LRRTM4: variants seen among roughly 807,000 people sequenced by gnomAD.
The protein encoded by LRRTM4 is leucine-rich repeat transmembrane neuronal protein 4.
A neutral mutation model predicts 47.6 loss-of-function variants in LRRTM4; 25 were observed. The ratio of observed to expected loss-of-function variants is 0.53; its 90% CI spans 0.38 to 0.73. The LOEUF is 0.73. Among genes scored for constraint, LRRTM4 ranks in the 30% least tolerant of loss-of-function variants. LRRTM4 has a pLI of 0.00. For missense variants in LRRTM4, 638 were observed against 713.4 expected, an observed-to-expected ratio of 0.89 and a Z score of 1.20; for synonymous variants, 311 against 269.5, an observed-to-expected ratio of 1.15 and a Z score of -1.51.
At chr2:76,997,491 G>A (rs1017794892) in intron 3 of LRRTM4, among the ~76,000 whole-genome samples, 1 of 152,100 alleles carries the variant, frequency 6.6e-6, no homozygotes, top group Non-Finnish European at 1.5e-5. Flanking sequence ...CTAAAATGGT[G>A]TGACAAAATT....
At chr2:77,503,234 G>GT (rs368180534) in intron 3 of LRRTM4, among the ~76,000 whole-genome samples, 150 of 151,708 alleles carry the variant, frequency 9.9e-4, no homozygotes, top group African/African-American at 3.4e-3. Flanking sequence ...GACAAAAATT[G>GT]TCACTAGTAA....
chr2:76,890,779 A>G lies in LRRTM4; in HGVS notation c.1552-141863T>C, dbSNP rs187847226. Among the ~76,000 whole-genome samples, 11 of 152,160 alleles carry G rather than the reference A, an allele frequency of 7.2e-5. No homozygotes were observed. In the East Asian group the frequency reaches 1.5e-3, roughly 21 times the overall value. ...ATAATAGGTGGAAAGAGAATGCTAC[A>G]AAGTTTAATTCATACAGAACTAAAA... is the stretch of plus-strand genomic sequence containing the variant. On this transcript the variant is annotated intron_variant, in intron 3 of 3. Transcript: ENST00000409884.
chr2:77,495,432 C>T (rs996070424), intron 3 of LRRTM4, among the ~76,000 whole-genome samples: 67 of 151,996 alleles, frequency 4.4e-4, no homozygotes, highest in Admixed American at 3.5e-3. Flanking sequence ...TGTTTTATGC[C>T]GCAAACTTCT....
intron 3 of LRRTM4, among the ~76,000 whole-genome samples, chr2:77,393,701 C>T (rs967308614): frequency 6.6e-6 from 1 of 151,850 alleles, no homozygotes; most frequent in African/African-American, 2.4e-5. Context: ...CATGTAAAAC[C>T]AGAGGCAGTT....
At chr2:77,081,773 G>C (rs1034849404) in intron 3 of LRRTM4, among the ~76,000 whole-genome samples, 11 of 152,092 alleles carry the variant, frequency 7.2e-5, no homozygotes, top group Admixed American at 3.9e-4. Context: ...CTGAAAAACT[G>C]TTTAACTTTC....
intron 3 of LRRTM4, among the ~76,000 whole-genome samples, chr2:77,195,557 CA>C (rs1440961848): frequency 6.6e-6 from 1 of 151,782 alleles, no homozygotes; most frequent in Non-Finnish European, 1.5e-5. Flanking sequence ...TATCTGTATG[CA>C]AGTAAAGTTG....
At chr2:76,913,543 A>ATTTTTTTTGTTTTTT (rs1674142871) in intron 3 of LRRTM4, among the ~76,000 whole-genome samples, 1 of 121,488 alleles carries the variant, frequency 8.2e-6, no homozygotes, top group Non-Finnish European at 1.6e-5. Flanking sequence ...TCCTATTTCA[A>ATTTTTTTTGTTTTTT]TTTTTTTTTT....
At chr2:76,775,344 T>C (rs1673919719) in intron 3 of LRRTM4, among the ~76,000 whole-genome samples, 1 of 152,156 alleles carries the variant, frequency 6.6e-6, no homozygotes, top group African/African-American at 2.4e-5. Context: ...TGAAAGGTCC[T>C]TATGATCCCC....
intron 3 of LRRTM4, among the ~76,000 whole-genome samples, chr2:76,854,389 G>A (rs373335361): frequency 7.4e-4 from 112 of 151,998 alleles, no homozygotes; most frequent in Admixed American, 9.2e-4. Context: ...ATAGAGTCAT[G>A]ATACCCACTG....
intron 3 of LRRTM4, among the ~76,000 whole-genome samples, chr2:76,799,554 C>G (rs1313377040): frequency 7.5e-6 from 1 of 132,658 alleles, no homozygotes; most frequent in South Asian, 2.4e-4. Flanking sequence ...GACAGGGATG[C>G]CCTCTCTCAC....
At chr2:77,444,975 C>T (rs1456743528) in intron 3 of LRRTM4, among the ~76,000 whole-genome samples, 18 of 97,676 alleles carry the variant, frequency 1.8e-4, no homozygotes, top group African/African-American at 3.7e-4. Flanking sequence ...ACACACGATC[C>T]GGAAAAAAAA....
chr2:77,442,142 G>C (rs1291909506), intron 3 of LRRTM4, among the ~76,000 whole-genome samples: 1 of 152,140 alleles, frequency 6.6e-6, no homozygotes, highest in Non-Finnish European at 1.5e-5. Flanking sequence ...ATCTAGTACA[G>C]AAGAACAGGA....
At chr2:76,825,606 G>A (rs979839372) in intron 3 of LRRTM4, among the ~76,000 whole-genome samples, 1 of 151,640 alleles carries the variant, frequency 6.6e-6, no homozygotes, top group African/African-American at 2.4e-5. Flanking sequence ...AGGGTAAGAT[G>A]ATGGATAGAC....
intron 3 of LRRTM4, among the ~76,000 whole-genome samples, chr2:77,346,798 A>T (rs1671577599): frequency 6.6e-6 from 1 of 152,120 alleles, no homozygotes; most frequent in African/African-American, 2.4e-5. Context: ...ATCATTACTT[A>T]AGTGAAAATA....
chr2:76,780,884 G>T (rs1048192060), intron 3 of LRRTM4, among the ~76,000 whole-genome samples: 3 of 138,050 alleles, frequency 2.2e-5, no homozygotes, highest in African/African-American at 5.1e-5. Flanking sequence ...CCCCGTCTTT[G>T]TGGTTTTTAT....
chr2:77,103,274 G>C (rs948316017), intron 3 of LRRTM4, among the ~76,000 whole-genome samples: 38 of 152,108 alleles, frequency 2.5e-4, no homozygotes, highest in African/African-American at 8.0e-4. Flanking sequence ...GTTTACCGCA[G>C]AAAATAAAAG....
At chr2:77,355,653 A>G (rs960299676) in intron 3 of LRRTM4, among the ~76,000 whole-genome samples, 2 of 152,212 alleles carry the variant, frequency 1.3e-5, no homozygotes, top group Admixed American at 1.3e-4. Flanking sequence ...CACCCTTGTG[A>G]TTGGGAAAGA....
At chr2:76,955,248 T>C (rs1675631787) in intron 3 of LRRTM4, among the ~76,000 whole-genome samples, 1 of 151,688 alleles carries the variant, frequency 6.6e-6, no homozygotes, top group African/African-American at 2.4e-5. Flanking sequence ...AACAAAAAAG[T>C]ATAAAAATAA....
intron 3 of LRRTM4, among the ~76,000 whole-genome samples, chr2:77,299,065 T>A (rs1677051274): frequency 6.6e-6 from 1 of 152,096 alleles, no homozygotes; most frequent in Non-Finnish European, 1.5e-5. Flanking sequence ...ATGTTCTATA[T>A]TTAATGAGAC....
Sources: gnomAD v4.1 joint callset for allele counts (sites outside exome capture counted in the v4.1 genomes callset) on GRCh38, gnomAD v4.1.1 for gene constraint, MANE v1.5 for transcripts, NCBI Gene and HGNC (gene_info 2026-07-23, HGNC 2026-07-21) for gene names.